Variants in GLRA1 observed in about 807,000 individuals in gnomAD.
GLRA1 encodes the protein glycine receptor subunit alpha-1.
GLRA1 carries 37 observed loss-of-function variants against 48.3 expected under a neutral mutation model. That is an observed-to-expected ratio of 0.77 (90% CI 0.59 to 1.01). The LOEUF is 1.01. Ranked by LOEUF, GLRA1 falls within the 50% of genes least tolerant of loss-of-function variation. The pLI is 0.00. For missense variants in GLRA1, 427 were observed against 571.0 expected, an observed-to-expected ratio of 0.75 and a Z score of 2.57; for synonymous variants, 196 against 210.7, an observed-to-expected ratio of 0.93 and a Z score of 0.60.
chr5:151,895,660 T>TGTGTGTGTGTGTGTG (rs59345588), intron 1 of GLRA1, among the ~76,000 whole-genome samples: 2 of 146,850 alleles, frequency 1.4e-5, no homozygotes, highest in Admixed American at 1.4e-4. Context: ...TGTGTGTGTG[T>TGTGTGTGTGTGTGTG]TTGAAGCAGT....
intron 3 of GLRA1, among the ~76,000 whole-genome samples, chr5:151,868,541 G>A (rs1281060344): frequency 6.6e-6 from 1 of 152,136 alleles, no homozygotes; most frequent in Admixed American, 6.5e-5. Flanking sequence ...AACCCAGGAC[G>A]TTAATGTCAG....
intron 3 of GLRA1, among the ~76,000 whole-genome samples, chr5:151,873,565 C>T (rs552492739): frequency 4.0e-5 from 6 of 149,956 alleles, no homozygotes; most frequent in African/African-American, 1.5e-4. Flanking sequence ...GAGGCTGAGG[C>T]AAAAGAATGG....
rs545317275 is a variant in GLRA1 at position 151,833,878 on chromosome 5, CA to C, written c.913-4812del. 1.7e-4 allele frequency among the ~76,000 whole-genome samples: 23 copies of C among 139,060 alleles called. No homozygotes were observed. In the East Asian group the frequency reaches 4.9e-3, roughly 30 times the overall value. 91.2% of individuals were successfully genotyped at this position (139,060 alleles called of 152,430 possible). On this transcript the variant is annotated intron_variant, in intron 7 of 8. Coordinates refer to ENST00000274576, the MANE Select transcript of GLRA1 (RefSeq NM_000171.4). ...TTAAACCAATAAAGATCAAAAAAGA[CA>C]AAGAAGGGCATTACATAATGGTAAA...
chr5:151,837,652 C>T (rs1260791979), intron 7 of GLRA1, among the ~76,000 whole-genome samples: 2 of 152,134 alleles, frequency 1.3e-5, no homozygotes, highest in Non-Finnish European at 2.9e-5. Flanking sequence ...GAGTTCATGT[C>T]CTTTGTGGGG....
Position 151,849,152 on chromosome 5 carries a change from C to CTTTCTTTCT in GLRA1, c.912+2237_912+2238insAGAAAGAAA, listed in dbSNP as rs1426307601. 1.4e-4 allele frequency: 19 copies of CTTTCTTTCT among 132,510 alleles called. 1 individual carries two copies. In the East Asian group the frequency reaches 1.7e-3, roughly 12 times the overall value. 8.2% of individuals were successfully genotyped at this position (132,510 alleles called of 1,614,324 possible). On this transcript the variant is annotated intron_variant, in intron 7 of 8. Transcript: ENST00000274576. ...TCTTTCTTTCTTTCTTTCTTTCTTT[C>CTTTCTTTCT]TTTTCTTTTCTTTTCTTTCTTTCTT...
chr5:151,877,380 C>G (rs73285974), intron 3 of GLRA1, among the ~76,000 whole-genome samples: 1 of 152,126 alleles, frequency 6.6e-6, no homozygotes, highest in Non-Finnish European at 1.5e-5. Context: ...AGGACTAAAA[C>G]AGAACTCTAT....
At chr5:151,826,134 T>C (rs750951228) in intron 8 of GLRA1, among the ~76,000 whole-genome samples, 5 of 152,218 alleles carry the variant, frequency 3.3e-5, no homozygotes, top group Non-Finnish European at 7.3e-5. Flanking sequence ...TTAGAAGGGA[T>C]GGTATTAACT....
chr5:151,894,485 C>G (rs1361128936), intron 1 of GLRA1, among the ~76,000 whole-genome samples: 2 of 152,136 alleles, frequency 1.3e-5, no homozygotes, highest in Non-Finnish European at 2.9e-5. Flanking sequence ...CAGATGACGT[C>G]AATATACTTC....
intron 7 of GLRA1, among the ~76,000 whole-genome samples, chr5:151,839,706 G>A (rs189015360): frequency 1.6e-3 from 251 of 152,194 alleles, no homozygotes; most frequent in Non-Finnish European, 2.9e-3. Context: ...GATCTTACAG[G>A]TGGGGCCTTA....
chr5:151,847,835 G>T (rs1752720053), intron 7 of GLRA1, among the ~76,000 whole-genome samples: 3 of 152,208 alleles, frequency 2.0e-5, no homozygotes, highest in South Asian at 4.1e-4. Context: ...ATAGTGCCTG[G>T]TGTTAGTAAT....
intron 1 of GLRA1, among the ~76,000 whole-genome samples, chr5:151,913,280 AG>A (rs1754661035): frequency 6.6e-6 from 1 of 152,244 alleles, no homozygotes; most frequent in South Asian, 2.1e-4. Context: ...TAACATAGGC[AG>A]GATTCAAAAT....
In GLRA1 at chr5:151,851,552, G is replaced by A. The variant is rs1352675289; in HGVS notation, c.750C>T (p.Tyr250=). The part of the protein sequence containing the change: ...ARFHLERQMG[Y]YLIQMYIPSL... ...TGGGAATATACATCTGAATCAGGTA[G>A]TAACCCATCTGCCGCTCCAGGTGGA... The change falls in exon 7 of 9, where the codon TAC becomes TAT. Residue 250 remains tyrosine, a synonymous_variant. Coordinates refer to ENST00000274576, the MANE Select transcript of GLRA1 (RefSeq NM_000171.4). 6.2e-7 allele frequency: 1 copy of A among 1,614,080 alleles called. No individual in the cohort carries two copies. The highest frequency in any genetic ancestry group is 2.2e-5 in the East Asian group (1 of 44,880).
rs370730368 is a variant in GLRA1, at chr5:151,912,262, G to GTTT, written c.56+12229_56+12231dup. 5.6e-3 allele frequency among the ~76,000 whole-genome samples: 679 copies of GTTT among 121,582 alleles called. 27 individuals are homozygous for GTTT. The highest frequency in any genetic ancestry group is 0.015 in the African/African-American group (477 of 32,136). 79.8% of individuals were successfully genotyped at this position (121,582 alleles called of 152,430 possible). A position where few individuals can be genotyped will look rare whatever the true frequency, so the allele number is the denominator to read the frequency against. Reference sequence around the variant, plus strand: ...CTCTTATTTGGCTCCTGTGAAGACTGTTTTTTTTTTTTTTTTTTCTACTAG... The same window carrying GTTT: ...CTCTTATTTGGCTCCTGTGAAGACTGTTTTTTTTTTTTTTTTTTTTTCTACTAG... On this transcript the variant is annotated intron_variant, in intron 1 of 8. Coordinates refer to ENST00000274576, the MANE Select transcript of GLRA1 (RefSeq NM_000171.4).
chr5:151,890,689 A>G (rs555508214), intron 2 of GLRA1, among the ~76,000 whole-genome samples: 41 of 152,246 alleles, frequency 2.7e-4, no homozygotes, highest in African/African-American at 8.2e-4. Flanking sequence ...GATAAGCCCT[A>G]TGTTCTCTGG....
At chr5:151,882,434 A>C (rs1753783850) in intron 3 of GLRA1, among the ~76,000 whole-genome samples, 1 of 152,240 alleles carries the variant, frequency 6.6e-6, no homozygotes, top group South Asian at 2.1e-4. Flanking sequence ...AAGTTCTTCA[A>C]GAATAAGTTG....
intron 7 of GLRA1, chr5:151,850,855 C>A: frequency 1.5e-6 from 1 of 677,462 alleles, no homozygotes; most frequent in Non-Finnish European, 2.7e-6. Context: ...CAACTCTTCC[C>A]CCTCTCCCAA....
chr5:151,889,584 G>A (rs1754004173), intron 2 of GLRA1, among the ~76,000 whole-genome samples: 1 of 152,166 alleles, frequency 6.6e-6, no homozygotes, highest in South Asian at 2.1e-4. Context: ...GTTTTCACGA[G>A]GGTCAGGAGC....
intron 7 of GLRA1, among the ~76,000 whole-genome samples, chr5:151,830,672 G>A (rs1436491733): frequency 6.6e-6 from 1 of 152,218 alleles, no homozygotes; most frequent in African/African-American, 2.4e-5. Flanking sequence ...ACCTTTGTCT[G>A]ATTTTTAGCT....
At chr5:151,916,925 G>A (rs1177091587) in intron 1 of GLRA1, among the ~76,000 whole-genome samples, 1 of 152,162 alleles carries the variant, frequency 6.6e-6, no homozygotes, top group Admixed American at 6.5e-5. Context: ...CTGGAAGGGT[G>A]AGTGTGTTTG....
Sources: gnomAD v4.1 joint callset for allele counts (sites outside exome capture counted in the v4.1 genomes callset) on GRCh38, gnomAD v4.1.1 for gene constraint, MANE v1.5 for transcripts, NCBI Gene and HGNC (gene_info 2026-07-23, HGNC 2026-07-21) for gene names.